Variants in AFF1 observed in about 807,000 individuals in gnomAD.
The protein encoded by AFF1 is AF4/FMR2 family member 1.
A neutral mutation model predicts 121.7 loss-of-function variants in AFF1; 48 were observed. The observed-to-expected ratio is 0.39, with a 90% CI of 0.31 to 0.50. The LOEUF (loss-of-function observed/expected upper bound fraction) is 0.50. Among genes scored for constraint, AFF1 ranks in the 20% least tolerant of loss-of-function variants. The pLI, the probability that AFF1 is intolerant of heterozygous loss-of-function variation, is 0.76. For missense variants in AFF1, 1,523 were observed against 1,511.7 expected (o/e 1.01, Z -0.12); for synonymous variants, 613 against 563.0 (o/e 1.09, Z -1.26).
At chr4:86,970,775 G>C (rs1378235468) in intron 2 of AFF1, among the ~76,000 whole-genome samples, 5 of 152,214 alleles carry the variant, frequency 3.3e-5, no homozygotes, top group Non-Finnish European at 7.3e-5. Context: ...TTGCCAGATA[G>C]AACTGGAGCT....
intron 2 of AFF1, among the ~76,000 whole-genome samples, chr4:86,966,093 A>G (rs1376248938): frequency 6.9e-6 from 1 of 144,944 alleles, no homozygotes; most frequent in Non-Finnish European, 1.5e-5. Flanking sequence ...GTTCTGGGAT[A>G]CGTGCAAGGT....
intron 2 of AFF1, among the ~76,000 whole-genome samples, chr4:86,964,919 A>T (rs1203362767): frequency 1.3e-5 from 2 of 152,180 alleles, no homozygotes; most frequent in Non-Finnish European, 2.9e-5. Context: ...CCAAAGACCT[A>T]TTTAATCCTT....
intron 4 of AFF1, 110 bp from the exon 5 acceptor site, chr4:87,084,010 T>A (rs1438902752): frequency 5.2e-6 from 5 of 960,928 alleles, no homozygotes; most frequent in Non-Finnish European, 8.3e-6. Context: ...ACTTAGCTAG[T>A]AGAAGGTAAG....
intron 2 of AFF1, among the ~76,000 whole-genome samples, chr4:87,005,224 C>CT (rs2149525631): frequency 6.6e-6 from 1 of 152,324 alleles, no homozygotes; most frequent in African/African-American, 2.4e-5. Flanking sequence ...AGCGATCTGC[C>CT]TGCCTTAGCC....
chr4:86,952,687 C>CCT (rs747185862), intron 2 of AFF1, among the ~76,000 whole-genome samples: 1 of 122,990 alleles, frequency 8.1e-6, no homozygotes, highest in Non-Finnish European at 1.7e-5. Context: ...AAAAACACAA[C>CCT]TTTTTTTTTT....
intron 1 of AFF1, among the ~76,000 whole-genome samples, chr4:86,944,672 C>CT (rs2149445431): frequency 6.6e-6 from 1 of 151,690 alleles, no homozygotes; most frequent in East Asian, 1.9e-4. Flanking sequence ...CAAAGCAGGT[C>CT]TTTTACCAGC....
chr4:87,112,722 C>G (rs891391658), intron 11 of AFF1, among the ~76,000 whole-genome samples: 11 of 152,184 alleles, frequency 7.2e-5, no homozygotes, highest in Admixed American at 4.6e-4. Flanking sequence ...CCGGAGTGTT[C>G]TCCTTATCTA....
chr4:86,996,613 G>C (rs1029582658), intron 2 of AFF1, among the ~76,000 whole-genome samples: 3 of 151,362 alleles, frequency 2.0e-5, no homozygotes, highest in African/African-American at 4.9e-5. Context: ...CCTCTGCCTA[G>C]GAAAACCAGA....
chr4:87,069,253 G>C (rs1216333265), intron 4 of AFF1, among the ~76,000 whole-genome samples: 1 of 149,642 alleles, frequency 6.7e-6, no homozygotes, highest in Non-Finnish European at 1.5e-5. Flanking sequence ...TAGACAGGTG[G>C]CGTGGTGTGT....
At chr4:87,133,210 AAAT>A (rs1160726718) in intron 19 of AFF1, among the ~76,000 whole-genome samples, 1 of 152,234 alleles carries the variant, frequency 6.6e-6, no homozygotes, top group Non-Finnish European at 1.5e-5. Context: ...TTGTGAACTA[AAAT>A]TGTTCATGTA....
intron 1 of AFF1, chr4:86,936,066 T>A (rs1719960815): frequency 6.6e-6 from 1 of 152,066 alleles, no homozygotes; most frequent in African/African-American, 2.4e-5. Flanking sequence ...AGTTTTCTCT[T>A]CCCGGAGCTT....
chr4:87,117,169 C>T (rs1727210651), intron 12 of AFF1, among the ~76,000 whole-genome samples: 1 of 152,206 alleles, frequency 6.6e-6, no homozygotes, highest in South Asian at 2.1e-4. Flanking sequence ...CAGCTTGTGG[C>T]TCTAGAAAGG....
chr4:87,101,978 A>G (rs1157537412), intron 8 of AFF1, among the ~76,000 whole-genome samples: 3 of 152,246 alleles, frequency 2.0e-5, no homozygotes, highest in African/African-American at 7.2e-5. Context: ...ACTTGTCTTT[A>G]TGTCTTCACA....
intron 2 of AFF1, among the ~76,000 whole-genome samples, chr4:86,951,602 C>CTTTTTTTTTTTTTTTTT (rs1170666576): frequency 2.6e-5 from 3 of 115,492 alleles, no homozygotes; most frequent in African/African-American, 1.1e-4. Context: ...ACTTTTTTTT[C>CTTTTTTTTTTTTTTTTT]TTTTTCTTTT....
Position 87,047,710 on chromosome 4 carries a change from A to G in AFF1, c.1059+116A>G, listed in dbSNP as rs776918273. The G allele has an allele frequency of 2.0e-4, 276 of 1,376,762 alleles. 2 individuals carry two copies. Among genetic ancestry groups the G allele is most frequent in the South Asian group, 2.3e-5 (2 of 85,612 alleles). 85.3% of individuals were successfully genotyped at this position (1,376,762 alleles called of 1,614,324 possible). ...TAGTCCATGGCTTTTGGGTAGGGGG[A>G]ATTCTTTTTGGCTTTAGGATCTTGT... On this transcript the variant is annotated intron_variant, in intron 4 of 20. Coordinates refer to ENST00000395146, the MANE Select transcript of AFF1 (RefSeq NM_001166693.3).
At chr4:87,031,108 C>T (rs546448291) in intron 2 of AFF1, among the ~76,000 whole-genome samples, 2 of 152,282 alleles carry the variant, frequency 1.3e-5, no homozygotes, top group African/African-American at 2.4e-5. Context: ...AATTGAGGCA[C>T]TCCAGACCAG....
chr4:87,057,100 G>T (rs1379241058), intron 4 of AFF1, among the ~76,000 whole-genome samples: 1 of 151,844 alleles, frequency 6.6e-6, no homozygotes, highest in East Asian at 1.9e-4. Context: ...TTTTTTAAGA[G>T]TTGACTTTTG....
At chr4:87,067,698 C>G (rs948818242) in intron 4 of AFF1, among the ~76,000 whole-genome samples, 1 of 152,176 alleles carries the variant, frequency 6.6e-6, no homozygotes, top group South Asian at 2.1e-4. Flanking sequence ...TCAGCTTACC[C>G]TTTGTAGTTG....
At chr4:87,069,334 T>C (rs1416810835) in intron 4 of AFF1, among the ~76,000 whole-genome samples, 2 of 139,422 alleles carry the variant, frequency 1.4e-5, no homozygotes, top group Non-Finnish European at 3.0e-5. Flanking sequence ...GAGATTTGCA[T>C]GGTTGTTAGT....
Sources: allele counts gnomAD v4.1 joint callset (sites outside exome capture counted in the v4.1 genomes callset), GRCh38; gene constraint gnomAD v4.1.1; transcripts MANE v1.5; gene names NCBI Gene and HGNC (gene_info 2026-07-23, HGNC 2026-07-21).